KIAA1549: variants seen among roughly 807,000 people sequenced by gnomAD.
KIAA1549 encodes the protein KIAA1549.
A neutral mutation model predicts 156.4 loss-of-function variants in KIAA1549; 70 were observed. The ratio of observed to expected loss-of-function variants is 0.45; its 90% CI spans 0.37 to 0.55. KIAA1549 has a LOEUF of 0.55. KIAA1549 is among the 20% of genes least tolerant of loss of function. The pLI is 0.00. For synonymous variants in KIAA1549, 1,103 were observed against 1,066.4 expected, an observed-to-expected ratio of 1.03 and a Z score of -0.67; for missense variants, 2,428 against 2,540.9, an observed-to-expected ratio of 0.96 and a Z score of 0.96.
intron 1 of KIAA1549, among the ~76,000 whole-genome samples, chr7:138,952,354 A>AC (rs1162860814): frequency 6.6e-6 from 1 of 152,234 alleles, no homozygotes; most frequent in Non-Finnish European, 1.5e-5. Flanking sequence ...GAGGCACATC[A>AC]AAGAAATCAG....
chr7:138,909,811 G>A (rs1002491755), intron 4 of KIAA1549, among the ~76,000 whole-genome samples: 5 of 152,034 alleles, frequency 3.3e-5, no homozygotes, highest in Non-Finnish European at 5.9e-5. Context: ...GCCGGACATG[G>A]TGGTGGGTGC....
rs1313133195 is a variant in KIAA1549 at position 138,968,853 on chromosome 7, C to T, written c.187+12230G>A. ...CCAGCTTGGGCGACAGAGCCAGACT[C>T]CGTCTCAAAAAAAAAAAAAAAAAAA... On this transcript the variant is annotated intron_variant, in intron 1 of 19. Transcript: ENST00000422774. Among the ~76,000 whole-genome samples, 19 of 126,508 alleles carry T rather than the reference C, an allele frequency of 1.5e-4. 1 individual carries two copies. In the East Asian group the frequency reaches 4.1e-3, roughly 27 times the overall value. The allele number at this position is 126,508 out of a possible 152,430, so 83.0% of individuals were successfully genotyped here.
chr7:138,868,865 C>T (rs1360726479), intron 14 of KIAA1549, among the ~76,000 whole-genome samples: 2 of 152,114 alleles, frequency 1.3e-5, no homozygotes, highest in African/African-American at 4.8e-5. Context: ...CAGTTCTGTC[C>T]GTGTGGCTGA....
intron 18 of KIAA1549, among the ~76,000 whole-genome samples, chr7:138,841,294 T>C (rs1809909602): frequency 6.6e-6 from 1 of 152,180 alleles, no homozygotes; most frequent in African/African-American, 2.4e-5. Context: ...ATTCAGCATA[T>C]TGAAGTATAT....
At chr7:138,964,702 G>A (rs1180230653) in intron 1 of KIAA1549, among the ~76,000 whole-genome samples, 1 of 152,172 alleles carries the variant, frequency 6.6e-6, no homozygotes, top group Non-Finnish European at 1.5e-5. Context: ...TATGAGTTGG[G>A]CAAAGACAAT....
chr7:138,866,234 AC>A lies in KIAA1549; in HGVS notation c.4929+1740del, dbSNP rs556151046. 4.0e-3 allele frequency among the ~76,000 whole-genome samples: 608 copies of A among 152,260 alleles called. 5 individuals are homozygous for A. Among genetic ancestry groups the A allele is most frequent in the Middle Eastern group, 6.8e-3 (2 of 294 alleles). ...TAGATCAAGAAGGTCGGTCTTTAAG[AC>A]CCTAGAAATACCGTAAGTTCCTAAG... is the stretch of plus-strand genomic sequence containing the variant. On this transcript the variant is annotated intron_variant, in intron 15 of 19. Transcript: ENST00000422774.
At chr7:138,960,617 T>TA (rs1813815013) in intron 1 of KIAA1549, among the ~76,000 whole-genome samples, 1 of 151,906 alleles carries the variant, frequency 6.6e-6, no homozygotes, top group Admixed American at 6.6e-5. Flanking sequence ...GCCACAAAAA[T>TA]AAAAAAATTT....
chr7:138,946,713 A>G (rs963567314), intron 1 of KIAA1549, among the ~76,000 whole-genome samples: 16 of 152,166 alleles, frequency 1.1e-4, no homozygotes, highest in African/African-American at 3.9e-4. Flanking sequence ...CTGGAGGCAG[A>G]AGTTGCAGTG....
At chr7:138,914,992 A>ATTTT (rs1382855702) in intron 2 of KIAA1549, among the ~76,000 whole-genome samples, 7 of 152,210 alleles carry the variant, frequency 4.6e-5, no homozygotes, top group African/African-American at 1.4e-4. Context: ...AAGGAAGAAA[A>ATTTT]GTATCATGAG....
In KIAA1549 at chr7:138,834,117, C is replaced by G. The variant is rs925761398; in HGVS notation, c.*3789G>C. 2 of 218,528 alleles carry G rather than the reference C, an allele frequency of 9.2e-6. No homozygotes were observed. Among genetic ancestry groups the G allele is most frequent in the African/African-American group, 4.5e-5 (2 of 44,498 alleles). The allele number at this position is 218,528 out of a possible 1,614,324, so 13.5% of individuals were successfully genotyped here. ...CTCCCCAAGATATTGCATTTCCAAA[C>G]ATGCAACTTCTTCTGGGTGCCTAAT... is the stretch of plus-strand genomic sequence containing the variant. On this transcript the variant is annotated 3_prime_UTR_variant, in exon 20 of 20. Transcript: ENST00000422774.
intron 1 of KIAA1549, among the ~76,000 whole-genome samples, chr7:138,929,889 C>G (rs141630873): frequency 6.6e-6 from 1 of 152,156 alleles, no homozygotes; most frequent in Non-Finnish European, 1.5e-5. Context: ...GAGATAAGGT[C>G]TCACTATGTT....
intron 8 of KIAA1549, among the ~76,000 whole-genome samples, chr7:138,902,744 T>G (rs1811877204): frequency 6.6e-6 from 1 of 151,762 alleles, no homozygotes; most frequent in Admixed American, 6.6e-5. Flanking sequence ...GGGAGGCAGA[T>G]GTTGTAGTGA....
Position 138,869,576 on chromosome 7 carries a change from C to T in KIAA1549, c.4737G>A (p.Thr1579=), listed in dbSNP as rs1810861031. Residue 1579 remains threonine (T), a synonymous_variant, in exon 14 of 20, where the codon ACG becomes ACA. Coordinates refer to ENST00000422774, the MANE Select transcript of KIAA1549 (RefSeq NM_001164665.2). The part of the protein sequence containing the change: ...QMQIDKILDP[T]ASVPSVFIEP... ...CTATGAACACGGAGGGCACGCTGGCCGTGGGGTCCAGGATCTTGTCGATCT... is the reference window on the plus strand; with the variant it reads ...CTATGAACACGGAGGGCACGCTGGCTGTGGGGTCCAGGATCTTGTCGATCT... The T allele has an allele frequency of 1.3e-6, 2 of 1,591,994 alleles. No homozygotes were observed. Among genetic ancestry groups the T allele is most frequent in the Non-Finnish European group, 1.7e-6 (2 of 1,170,612 alleles).
intron 12 of KIAA1549, among the ~76,000 whole-genome samples, chr7:138,871,765 C>A (rs1810945139): frequency 1.3e-5 from 2 of 152,174 alleles, no homozygotes; most frequent in Non-Finnish European, 2.9e-5. Flanking sequence ...CTATTGCTAC[C>A]ATCTGGCAGG....
At chr7:138,927,803 T>C (rs897997858) in intron 1 of KIAA1549, among the ~76,000 whole-genome samples, 7 of 152,232 alleles carry the variant, frequency 4.6e-5, no homozygotes, top group Non-Finnish European at 8.8e-5. Context: ...TGTCCACATG[T>C]TTACCAATCT....
At chr7:138,922,443 A>G (rs1311692731) in intron 1 of KIAA1549, among the ~76,000 whole-genome samples, 3 of 152,168 alleles carry the variant, frequency 2.0e-5, no homozygotes, top group Non-Finnish European at 4.4e-5. Context: ...TATTTTTTTA[A>G]AAGGCCAACT....
At chr7:138,946,340 C>A (rs1212364731) in intron 1 of KIAA1549, among the ~76,000 whole-genome samples, 8 of 152,124 alleles carry the variant, frequency 5.3e-5, no homozygotes, top group African/African-American at 1.9e-4. Context: ...TGATTACTGA[C>A]CCTATTTAGA....
intron 16 of KIAA1549, among the ~76,000 whole-genome samples, chr7:138,852,749 T>C (rs983927827): frequency 6.6e-6 from 1 of 152,220 alleles, no homozygotes; most frequent in Non-Finnish European, 1.5e-5. Flanking sequence ...AACTCAAGTA[T>C]CAAATGCTGT....
intron 16 of KIAA1549, 42 bp from the exon 17 acceptor site, chr7:138,852,311 C>T (rs1810259433): frequency 1.8e-5 from 25 of 1,357,504 alleles, no homozygotes; most frequent in Non-Finnish European, 2.6e-5. Flanking sequence ...ATATTCAATA[C>T]TTATTATAAA....
Sources: allele counts gnomAD v4.1 joint callset (sites outside exome capture counted in the v4.1 genomes callset), GRCh38; gene constraint gnomAD v4.1.1; transcripts MANE v1.5; gene names NCBI Gene and HGNC (gene_info 2026-07-23, HGNC 2026-07-21).